Variants in MYH2 observed in about 807,000 individuals in gnomAD.
MYH2 encodes myosin heavy chain 2, also known as myosin-2.
Under a neutral mutation model 228.1 loss-of-function variants are expected in MYH2, and 139 were observed. That is an observed-to-expected ratio of 0.61 (90% CI 0.53 to 0.70). The LOEUF is 0.70. Among genes scored for constraint, MYH2 ranks in the 30% least tolerant of loss-of-function variants. The pLI is 0.00. For synonymous variants in MYH2, 796 were observed against 871.1 expected, an observed-to-expected ratio of 0.91 and a Z score of 1.52; for missense variants, 1,809 against 2,357.5, an observed-to-expected ratio of 0.77 and a Z score of 4.82.
intron 4 of MYH2, 138 bp from the exon 5 acceptor site, chr17:10,545,640 C>T: frequency 8.3e-7 from 1 of 1,202,580 alleles, no homozygotes; most frequent in Non-Finnish European, 1.2e-6. Flanking sequence ...CCTCAGCTCA[C>T]TGCAGCCCCA....
chr17:10,523,248 A>C lies in MYH2; in HGVS notation c.5577+60T>G, dbSNP rs143769476. The C allele has an allele frequency of 8.6e-3, 13,725 of 1,604,882 alleles. 92 individuals carry two copies. The highest frequency in any genetic ancestry group is 0.01 in the Non-Finnish European group (11,830 of 1,171,608). On this transcript the variant is annotated intron_variant, in intron 38 of 39. Coordinates refer to ENST00000245503, the MANE Select transcript of MYH2 (RefSeq NM_017534.6). ...AAGCACATGACTATTGCATCATTGCATATGAGTATTTCACATAAACTTCGA... is the reference window on the plus strand; with the variant it reads ...AAGCACATGACTATTGCATCATTGCCTATGAGTATTTCACATAAACTTCGA...
rs116925139 is a variant in MYH2, at chr17:10,535,826, C to T, written c.1975-461G>A. Reference sequence around the variant, plus strand: ...ATTTTTAGGGGATAGAGATTATCTACAGGGGAGCAATCCTACCAATTATAA... The same window carrying T: ...ATTTTTAGGGGATAGAGATTATCTATAGGGGAGCAATCCTACCAATTATAA... On this transcript the variant is annotated intron_variant, in intron 17 of 39. Transcript: ENST00000245503. Among the ~76,000 whole-genome samples the T allele has an allele frequency of 1.2e-3, 190 of 152,280 alleles. 2 individuals are homozygous for T. The East Asian group carries it at 0.026, about 21-fold the overall frequency.
chr17:10,535,073 C>T lies in MYH2; in HGVS notation c.2180G>A (p.Arg727Lys). The T allele has an allele frequency of 1.2e-6, 2 of 1,613,894 alleles. No homozygotes were observed. The highest frequency in any genetic ancestry group is 1.7e-6 in the Non-Finnish European group (2 of 1,179,852). The change falls in exon 19 of 40, where the codon AGA (arginine) becomes AAA (lysine). Residue 727 changes from arginine (R) to lysine (K), a missense_variant and splice_region_variant. Transcript: ENST00000245503. ...TACACCATAATCAGGAGAAACTGACCTCTGTTTGAAGTCTGCATAAAGGAT... is the reference window on the plus strand; with the variant it reads ...TACACCATAATCAGGAGAAACTGACTTCTGTTTGAAGTCTGCATAAAGGAT... ...SRILYADFKQ[R>K]YKVLNASAIP...
intron 28 of MYH2, among the ~76,000 whole-genome samples, chr17:10,527,367 G>T (rs2073367961): frequency 6.6e-6 from 1 of 152,138 alleles, no homozygotes; most frequent in African/African-American, 2.4e-5. Flanking sequence ...ATTCTACAGG[G>T]TCCCCATTCC....
At position 10,537,091 on chromosome 17, in the gene MYH2, A is replaced by G. The variant is rs2073489720; in HGVS notation, c.1897+142T>C. 8.8e-7 allele frequency: 1 copy of G among 1,131,262 alleles called. No individual in the cohort carries two copies. The highest frequency in any genetic ancestry group is 1.7e-5 in the Admixed American group (1 of 58,050). 70.1% of individuals were successfully genotyped at this position (1,131,262 alleles called of 1,614,324 possible). A position where few individuals can be genotyped will look rare whatever the true frequency, so the allele number is the denominator to read the frequency against. ...TGGAGTGAGCCACAAATGTATAATT[A>G]CAAGGCTGCCTATCTATTCAATACT... is the stretch of plus-strand genomic sequence containing the variant. On this transcript the variant is annotated intron_variant, in intron 16 of 39. Coordinates refer to ENST00000245503, the MANE Select transcript of MYH2 (RefSeq NM_017534.6). This position sits in a 1 kb window ranked among gnomAD's most constrained non-coding sequence, Gnocchi z 4.0.
intron 27 of MYH2, among the ~76,000 whole-genome samples, chr17:10,528,188 C>T (rs182200996): frequency 1.0e-3 from 154 of 151,822 alleles, no homozygotes; most frequent in African/African-American, 3.5e-3. Context: ...GGACTGCAGG[C>T]GCGCGCCACC....
chr17:10,538,068 C>T lies in MYH2; in HGVS notation c.1417-233G>A, dbSNP rs144999074. The stretch of plus-strand genomic sequence containing the variant: ...TAGAAAATCCTACCATTATGATATT[C>T]TTTTCCTGCATTTGCTTAAGTTTAT... On this transcript the variant is annotated intron_variant, in intron 14 of 39. Transcript: ENST00000245503. Among the ~76,000 whole-genome samples, 151 of 152,258 alleles carry T rather than the reference C, an allele frequency of 9.9e-4. 1 individual carries two copies. In the East Asian group the frequency reaches 0.017, roughly 17 times the overall value.
rs573729029 is a variant in MYH2 at position 10,525,756 on chromosome 17, A to G, written c.4308T>C (p.Leu1436=). The G allele has an allele frequency of 1.9e-6, 3 of 1,614,136 alleles. No individual in the cohort carries two copies. Among genetic ancestry groups the G allele is most frequent in the Admixed American group, 3.3e-5 (2 of 60,022 alleles). Residue 1436 remains leucine, a synonymous_variant, in exon 31 of 40, where the codon CTT becomes CTC. Coordinates refer to ENST00000245503, the MANE Select transcript of MYH2 (RefSeq NM_017534.6). The surrounding 1 kb of genome is among the most constrained non-coding windows in gnomAD (Gnocchi z 4.2). ...AGGCGGCATTTGTCCTCTCCACATC[A>G]AGCATGAGGTCCTCGACCTCATTCT... The part of the protein sequence containing the change: ...RLQNEVEDLM[L]DVERTNAACA...
Position 10,539,324 on chromosome 17 carries a change from C to G in MYH2, c.1297G>C (p.Ala433Pro). The G allele has an allele frequency of 1.2e-6, 2 of 1,614,222 alleles. No homozygotes were observed. The highest frequency in any genetic ancestry group is 3.3e-5 in the Admixed American group (2 of 60,028). The change falls in exon 14 of 40, where the codon GCC becomes CCC. Residue 433 changes from alanine (A) to proline (P), a missense_variant. Coordinates refer to ENST00000245503, the MANE Select transcript of MYH2 (RefSeq NM_017534.6). ...VSNAVGALAK[A>P]VYEKMFLWMV... The stretch of plus-strand genomic sequence containing the variant: ...CACAGGAACATCTTCTCGTAGACGG[C>G]TTTGGCCAGAGCACCTACTGCGTTG...
In MYH2 at chr17:10,533,283, A is replaced by G. The variant is rs1177540716; in HGVS notation, c.2441+2T>C. ...ATATGTGAATAAACATATTTTTTAT[A>G]CCTTCTCTCCACCATCCTCTGGTAC... On this transcript the variant is annotated splice_donor_variant, in intron 21 of 39. Transcript: ENST00000245503. LOFTEE classifies it high-confidence loss of function. The G allele has an allele frequency of 1.2e-6, 2 of 1,614,074 alleles. No individual in the cohort carries two copies. Among genetic ancestry groups the G allele is most frequent in the Non-Finnish European group, 1.7e-6 (2 of 1,180,002 alleles).
At chr17:10,547,436 T>C in intron 4 of MYH2, 39 bp downstream of exon 4, 5 of 1,612,574 alleles carry the variant, frequency 3.1e-6, no homozygotes, top group Non-Finnish European at 4.2e-6. Flanking sequence ...GTAGGGTACA[T>C]GAGGATGATT....
Position 10,533,307 on chromosome 17 carries a change from AC to A in MYH2, c.2418del (p.Glu806AspfsTer23). On this transcript the variant is annotated frameshift_variant, in exon 21 of 40. Coordinates refer to ENST00000245503, the MANE Select transcript of MYH2 (RefSeq NM_017534.6). LOFTEE classifies it high-confidence loss of function. The part of the protein sequence containing the change: ...ARCRGFLARV[E>X]YQRMVERREA... ...TACCTTCTCTCCACCATCCTCTGGT[AC>A]TCCACTCTTGCCAAGAACCCTCTGC... 1.2e-6 allele frequency: 2 copies of A among 1,614,128 alleles called. No homozygotes were observed. Among genetic ancestry groups the A allele is most frequent in the Admixed American group, 3.3e-5 (2 of 60,016 alleles).
At position 10,538,000 on chromosome 17, in the gene MYH2, T is replaced by G. The variant is rs1597454898; in HGVS notation, c.1417-165A>C. ...AATAAAAGGTGAAAAGTATGGAAGG[T>G]TTGAGGGCATGTGGAAGCTACTATT... is the stretch of plus-strand genomic sequence containing the variant. On this transcript the variant is annotated intron_variant, in intron 14 of 39. Transcript: ENST00000245503. This position sits in a 1 kb window ranked among gnomAD's most constrained non-coding sequence, Gnocchi z 4.0. 1 of 1,310,278 alleles carries G rather than the reference T, an allele frequency of 7.6e-7. No homozygotes were observed. The highest frequency in any genetic ancestry group is 1.5e-5 in the African/African-American group (1 of 66,986). The allele number at this position is 1,310,278 out of a possible 1,614,324, so 81.2% of individuals were successfully genotyped here.
chr17:10,536,507 G>A (rs1277362515), intron 17 of MYH2, 23 bp downstream of exon 17: 2 of 1,603,596 alleles, frequency 1.2e-6, no homozygotes, highest in Admixed American at 1.7e-5. Context: ...ATTGGAGAAT[G>A]TCAAAAACAA....
At position 10,547,480 on chromosome 17, in the gene MYH2, T is replaced by A; in HGVS notation, c.343A>T (p.Ile115Phe). ...NLKERYAAWMIYTYSGLFCVT... is the reference protein window; with the variant it reads ...NLKERYAAWMFYTYSGLFCVT... The stretch of plus-strand genomic sequence containing the variant: ...CACTGGCAGGGGACACTCACGTAGA[T>A]CATCCAGGCTGCATAACGTTCTTTG... Residue 115 changes from isoleucine to phenylalanine, a missense_variant, in exon 4 of 40, where the codon ATC (isoleucine) becomes TTC (phenylalanine). Physicochemically the swap from Ile to Phe is conservative, Grantham distance 21 (BLOSUM62 0). Around this residue, in one of 9 missense-constraint regions of MYH2, gnomAD observed 373 missense variants for 620.4 expected, o/e 0.60. Coordinates refer to ENST00000245503, the MANE Select transcript of MYH2 (RefSeq NM_017534.6). 3 of 1,614,116 alleles carry A rather than the reference T, an allele frequency of 1.9e-6. No individual in the cohort carries two copies. Among genetic ancestry groups the A allele is most frequent in the Non-Finnish European group, 2.5e-6 (3 of 1,179,998 alleles).
chr17:10,543,945 G>A lies in MYH2; in HGVS notation c.605C>T (p.Thr202Ile). ...VIQYFATIAV[T>I]GEKKKEEITS... ...AATTTCTTCCTTCTTCTTCTCACCA[G>A]TAACTGCAATTGTTGCAAAGTACTG... The change falls in exon 7 of 40, where the codon ACT (threonine) becomes ATT (isoleucine). Residue 202 changes from threonine to isoleucine, a missense_variant. Physicochemically the swap from Thr to Ile is moderately conservative, Grantham distance 89. This residue lies in a region of MYH2 where 373 missense variants were observed against 620.4 expected (regional missense o/e 0.60). Coordinates refer to ENST00000245503, the MANE Select transcript of MYH2 (RefSeq NM_017534.6). 6.2e-7 allele frequency: 1 copy of A among 1,614,200 alleles called. No homozygotes were observed. Among genetic ancestry groups the A allele is most frequent in the Non-Finnish European group, 8.5e-7 (1 of 1,180,034 alleles).
chr17:10,540,151 G>A (rs1004833980), intron 11 of MYH2, 85 bp from the exon 12 acceptor site: 1 of 1,579,556 alleles, frequency 6.3e-7, no homozygotes, highest in Admixed American at 1.7e-5. Flanking sequence ...GCTGGCCTGA[G>A]GAAACTACCA....
At position 10,545,014 on chromosome 17, in the gene MYH2, A is replaced by AGTGTGTGTGTGTGT. The variant is rs112057904; in HGVS notation, c.505+318_505+331dup. Among the ~76,000 whole-genome samples, 653 of 150,518 alleles carry AGTGTGTGTGTGTGT rather than the reference A, an allele frequency of 4.3e-3. 2 individuals are homozygous for AGTGTGTGTGTGTGT. Among genetic ancestry groups the AGTGTGTGTGTGTGT allele is most frequent in the South Asian group, 0.014 (65 of 4,724 alleles). On this transcript the variant is annotated intron_variant, in intron 5 of 39. Coordinates refer to ENST00000245503, the MANE Select transcript of MYH2 (RefSeq NM_017534.6). Reference sequence around the variant, plus strand: ...TTGTATGTGTGATTGTGCGTGCATGAGTGTGTGTGTGTGTGTGTATATATA... The same window carrying AGTGTGTGTGTGTGT: ...TTGTATGTGTGATTGTGCGTGCATGAGTGTGTGTGTGTGTGTGTGTGTGTGTGTGTGTATATATA...
rs1043033446 is a variant in MYH2, at chr17:10,525,639, C to G, written c.4372-23G>C. 6.2e-7 allele frequency: 1 copy of G among 1,614,178 alleles called. No individual in the cohort carries two copies. Among genetic ancestry groups the G allele is most frequent in the African/African-American group, 1.3e-5 (1 of 75,032 alleles). Reference sequence around the variant, plus strand: ...GATCTGAAAAACCAAGACCTGTTACCTGCTGCAAAGACAAAAGAGTAGAGT... The same window carrying G: ...GATCTGAAAAACCAAGACCTGTTACGTGCTGCAAAGACAAAAGAGTAGAGT... On this transcript the variant is annotated intron_variant, in intron 31 of 39. Transcript: ENST00000245503. The surrounding 1 kb of genome is among the most constrained non-coding windows in gnomAD (Gnocchi z 4.2).
Sources: allele counts gnomAD v4.1 joint callset (sites outside exome capture counted in the v4.1 genomes callset), GRCh38; gene constraint gnomAD v4.1.1; regional missense constraint gnomAD v4.1.1; non-coding constraint Gnocchi (gnomAD v3.1); transcripts MANE v1.5; gene names NCBI Gene and HGNC (gene_info 2026-07-23, HGNC 2026-07-21).